DLG2: variants seen among roughly 807,000 people sequenced by gnomAD.
DLG2 encodes the protein disks large homolog 2.
Under a neutral mutation model 132.5 loss-of-function variants are expected in DLG2, and 45 were observed. The observed-to-expected ratio is 0.34, with a 90% CI of 0.27 to 0.44. The LOEUF is 0.44. DLG2 is among the 20% of genes least tolerant of loss of function. The probability of loss-of-function intolerance (pLI) is 1.00; values close to 1 mark genes in which losing one functional copy is unlikely to be tolerated. For missense variants in DLG2, 1,045 were observed against 1,196.9 expected (o/e 0.87, Z 1.87); for synonymous variants, 424 against 419.6 (o/e 1.01, Z -0.13).
At chr11:84,242,993 T>TTCTCTCTC (rs145284405) in intron 8 of DLG2, among the ~76,000 whole-genome samples, 2,460 of 125,032 alleles carry the variant, frequency 0.02, 35 homozygotes, top group Non-Finnish European at 0.027. Context: ...ATTAATTAGG[T>TTCTCTCTC]TCTCTCTCTC....
At chr11:85,479,640 T>C (rs1355368526) in intron 3 of DLG2, among the ~76,000 whole-genome samples, 1 of 152,126 alleles carries the variant, frequency 6.6e-6, no homozygotes, top group Non-Finnish European at 1.5e-5. Context: ...AAAACCAAAA[T>C]GAGATCGCTT....
At chr11:83,805,216 C>A (rs1458577723) in intron 17 of DLG2, among the ~76,000 whole-genome samples, 1 of 152,030 alleles carries the variant, frequency 6.6e-6, no homozygotes, top group African/African-American at 2.4e-5. Flanking sequence ...TCAACTTTAA[C>A]CCCTAATTGT....
At chr11:83,747,891 G>A (rs2093032325) in intron 18 of DLG2, among the ~76,000 whole-genome samples, 1 of 152,020 alleles carries the variant, frequency 6.6e-6, no homozygotes, top group Non-Finnish European at 1.5e-5. Flanking sequence ...CTCATATAGA[G>A]CTTTCTATAT....
intron 15 of DLG2, among the ~76,000 whole-genome samples, chr11:83,874,888 C>T (rs996727498): frequency 9.2e-5 from 14 of 152,058 alleles, no homozygotes; most frequent in Admixed American, 3.3e-4. Context: ...AAGCTTTTAA[C>T]GATAGGTGAA....
intron 7 of DLG2, among the ~76,000 whole-genome samples, chr11:84,495,137 T>C (rs368112427): frequency 5.3e-5 from 8 of 152,152 alleles, no homozygotes; most frequent in Non-Finnish European, 8.8e-5. Flanking sequence ...ATCGTACTTA[T>C]ATAATCTGTC....
chr11:84,643,714 G>C (rs1200963651), intron 6 of DLG2, among the ~76,000 whole-genome samples: 1 of 152,146 alleles, frequency 6.6e-6, no homozygotes, highest in Non-Finnish European at 1.5e-5. Context: ...CAGAAGAATA[G>C]GTGTATAGGG....
At chr11:85,269,685 T>C (rs2077407888) in intron 4 of DLG2, among the ~76,000 whole-genome samples, 1 of 152,202 alleles carries the variant, frequency 6.6e-6, no homozygotes, top group East Asian at 1.9e-4. Flanking sequence ...GTAGCAAGCA[T>C]AATCGTACCA....
At chr11:85,120,484 A>G (rs1204911781) in intron 5 of DLG2, among the ~76,000 whole-genome samples, 2 of 152,068 alleles carry the variant, frequency 1.3e-5, no homozygotes, top group Non-Finnish European at 2.9e-5. Context: ...CTTAAAATGT[A>G]TACTTTCATT....
At chr11:84,675,003 G>A (rs561021806) in intron 6 of DLG2, among the ~76,000 whole-genome samples, 18 of 152,186 alleles carry the variant, frequency 1.2e-4, no homozygotes, top group African/African-American at 3.4e-4. Flanking sequence ...CCCTAACAGA[G>A]AACTTTTCAT....
intron 18 of DLG2, among the ~76,000 whole-genome samples, chr11:83,668,864 TA>T (rs1287312609): frequency 2.5e-5 from 3 of 120,312 alleles, no homozygotes; most frequent in South Asian, 2.6e-4. Flanking sequence ...TATATATATA[TA>T]TATTTTTTTT....
At chr11:84,438,855 C>T (rs566414930) in intron 7 of DLG2, among the ~76,000 whole-genome samples, 10 of 152,258 alleles carry the variant, frequency 6.6e-5, no homozygotes, top group Admixed American at 2.6e-4. Context: ...ACAGAAGTGC[C>T]CTATGAGCAA....
chr11:85,625,968 G>A (rs893808799), intron 2 of DLG2, among the ~76,000 whole-genome samples: 5 of 152,186 alleles, frequency 3.3e-5, no homozygotes. Context: ...AAAAGTTGTT[G>A]AGGAGGGAGG....
At chr11:85,038,464 G>A (rs887000695) in intron 6 of DLG2, among the ~76,000 whole-genome samples, 26 of 151,982 alleles carry the variant, frequency 1.7e-4, no homozygotes, top group African/African-American at 3.9e-4. Flanking sequence ...GAAATACTCC[G>A]TTTAAAGATG....
At chr11:85,089,955 A>C (rs1387242314) in intron 6 of DLG2, among the ~76,000 whole-genome samples, 2 of 152,204 alleles carry the variant, frequency 1.3e-5, no homozygotes, top group Non-Finnish European at 2.9e-5. Flanking sequence ...AAGAAAAGGG[A>C]ACTTCTATAA....
At chr11:84,198,404 T>C (rs1332141528) in intron 8 of DLG2, among the ~76,000 whole-genome samples, 2 of 152,142 alleles carry the variant, frequency 1.3e-5, no homozygotes, top group African/African-American at 4.8e-5. Flanking sequence ...GGGAAATATA[T>C]TTTATAAAAG....
intron 6 of DLG2, among the ~76,000 whole-genome samples, chr11:85,020,532 G>C (rs757372134): frequency 2.0e-5 from 3 of 152,064 alleles, no homozygotes; most frequent in Non-Finnish European, 4.4e-5. Flanking sequence ...TGAAGTCCTT[G>C]CCCATGCCTA....
intron 16 of DLG2, among the ~76,000 whole-genome samples, chr11:83,840,099 GT>G (rs2154014557): frequency 1.3e-5 from 2 of 152,204 alleles, no homozygotes; most frequent in South Asian, 4.2e-4. Flanking sequence ...ATACCTCTAC[GT>G]TTTGGCTCAG....
intron 4 of DLG2, among the ~76,000 whole-genome samples, chr11:85,278,505 C>T (rs185777330): frequency 1.8e-3 from 276 of 151,942 alleles, no homozygotes; most frequent in African/African-American, 5.9e-3. Context: ...GAGGCTGAGG[C>T]GGGAGAATCG....
chr11:83,972,608 T>C (rs1339083186), intron 12 of DLG2, among the ~76,000 whole-genome samples: 1 of 152,112 alleles, frequency 6.6e-6, no homozygotes, highest in Non-Finnish European at 1.5e-5. Flanking sequence ...ATATAAATAG[T>C]TGGCACTTAA....
Sources: gnomAD v4.1 joint callset for allele counts (sites outside exome capture counted in the v4.1 genomes callset) on GRCh38, gnomAD v4.1.1 for gene constraint, MANE v1.5 for transcripts, NCBI Gene and HGNC (gene_info 2026-07-23, HGNC 2026-07-21) for gene names.